Variants in CSMD3 observed in about 807,000 individuals in gnomAD.
CSMD3 encodes the protein CUB and Sushi multiple domains 3.
In CSMD3, 177 loss-of-function variants were observed where a neutral mutation model predicts 435.2. The ratio of observed to expected loss-of-function variants is 0.41; its 90% CI spans 0.36 to 0.46. The LOEUF is 0.46. CSMD3 is among the 20% of genes least tolerant of loss of function. The probability of loss-of-function intolerance (pLI) is 0.34; values close to 1 mark genes in which losing one functional copy is unlikely to be tolerated. For missense variants in CSMD3, 4,265 were observed against 4,504.6 expected, an observed-to-expected ratio of 0.95 and a Z score of 1.52; for synonymous variants, 1,656 against 1,520.5, an observed-to-expected ratio of 1.09 and a Z score of -2.07.
intron 11 of CSMD3, among the ~76,000 whole-genome samples, chr8:112,851,580 A>G (rs2080489048): frequency 6.6e-6 from 1 of 152,146 alleles, no homozygotes; most frequent in Non-Finnish European, 1.5e-5. Flanking sequence ...CCTGGCCAAC[A>G]TGGTGAATCC....
intron 5 of CSMD3, among the ~76,000 whole-genome samples, chr8:113,061,110 T>A (rs2088593487): frequency 6.6e-6 from 1 of 152,098 alleles, no homozygotes; most frequent in African/African-American, 2.4e-5. Context: ...ACCCACCTCT[T>A]GTCTTTTCTG....
chr8:113,389,547 A>T (rs1234903621), intron 1 of CSMD3, among the ~76,000 whole-genome samples: 1 of 151,750 alleles, frequency 6.6e-6, no homozygotes, highest in Non-Finnish European at 1.5e-5. Flanking sequence ...TCATTAAAAC[A>T]ATCTCTGGGG....
chr8:112,656,810 C>A (rs999128906), intron 17 of CSMD3, among the ~76,000 whole-genome samples: 4 of 151,896 alleles, frequency 2.6e-5, no homozygotes, highest in African/African-American at 9.7e-5. Flanking sequence ...AACATTTATA[C>A]AAAATTTTTG....
At chr8:112,707,666 G>A (rs985731905) in intron 13 of CSMD3, among the ~76,000 whole-genome samples, 1 of 151,934 alleles carries the variant, frequency 6.6e-6, no homozygotes, top group African/African-American at 2.4e-5. Context: ...CTTCTCTATT[G>A]TGTTTGTCTA....
intron 5 of CSMD3, among the ~76,000 whole-genome samples, chr8:113,069,698 C>T (rs1256196956): frequency 1.3e-5 from 2 of 152,206 alleles, no homozygotes; most frequent in East Asian, 3.9e-4. Context: ...TTCCAGGGCA[C>T]ATTGAAAACT....
At chr8:112,977,035 T>C (rs1365312403) in intron 6 of CSMD3, among the ~76,000 whole-genome samples, 1 of 152,084 alleles carries the variant, frequency 6.6e-6, no homozygotes, top group Admixed American at 6.6e-5. Context: ...TTTAGAAGTA[T>C]GTATTCAAAG....
intron 35 of CSMD3, among the ~76,000 whole-genome samples, chr8:112,395,585 A>C (rs1427816131): frequency 6.6e-6 from 1 of 152,178 alleles, no homozygotes; most frequent in Admixed American, 6.5e-5. Flanking sequence ...CCAGATAAGC[A>C]TGATCAGATA....
chr8:112,777,837 G>T (rs1277993608), intron 13 of CSMD3, among the ~76,000 whole-genome samples: 1 of 151,774 alleles, frequency 6.6e-6, no homozygotes, highest in African/African-American at 2.4e-5. Context: ...GCACTGGCCA[G>T]AATATGTTGC....
intron 4 of CSMD3, among the ~76,000 whole-genome samples, chr8:113,122,084 T>C (rs2091001274): frequency 6.6e-6 from 1 of 152,148 alleles, no homozygotes; most frequent in Admixed American, 6.6e-5. Flanking sequence ...TTATACCAAT[T>C]GTGTGGTTTC....
Position 112,263,781 on chromosome 8 carries a change from A to G in CSMD3, c.9720T>C (p.Ser3240=). The change falls in exon 61 of 71, where the codon TCT becomes TCC. Residue 3240 remains serine (S), a synonymous_variant. Transcript: ENST00000297405. ...AATTTGTTCCTTCCAGCCTTCCATT[A>G]GAGATCTGGGGAGGAGTTGGGCAGG... is the stretch of plus-strand genomic sequence containing the variant. ...AVTCPTPPQI[S]NGRLEGTNFD... The G allele has an allele frequency of 6.2e-7, 1 of 1,613,760 alleles. No individual in the cohort carries two copies. The highest frequency in any genetic ancestry group is 8.5e-7 in the Non-Finnish European group (1 of 1,179,700).
At chr8:113,102,552 C>G (rs1307663247) in intron 4 of CSMD3, among the ~76,000 whole-genome samples, 1 of 152,056 alleles carries the variant, frequency 6.6e-6, no homozygotes, top group Non-Finnish European at 1.5e-5. Context: ...GAAGAAGGAA[C>G]ATTTAGTACT....
At chr8:112,754,395 A>G (rs1169058709) in intron 13 of CSMD3, among the ~76,000 whole-genome samples, 2 of 152,206 alleles carry the variant, frequency 1.3e-5, no homozygotes, top group Admixed American at 1.3e-4. Context: ...AAATATGTTA[A>G]GAAGAGAACC....
At chr8:112,491,058 G>GT (rs1820636636) in intron 31 of CSMD3, among the ~76,000 whole-genome samples, 1 of 152,054 alleles carries the variant, frequency 6.6e-6, no homozygotes, top group African/African-American at 2.4e-5. Context: ...ATATTTTGAA[G>GT]TAAAAAATGT....
intron 38 of CSMD3, among the ~76,000 whole-genome samples, chr8:112,369,152 T>C (rs1327528530): frequency 1.3e-5 from 2 of 152,134 alleles, no homozygotes. Flanking sequence ...GACAAGTCAA[T>C]GTGAGCCTCA....
chr8:113,152,204 G>A (rs2091823180), intron 4 of CSMD3, among the ~76,000 whole-genome samples: 1 of 151,806 alleles, frequency 6.6e-6, no homozygotes, highest in African/African-American at 2.4e-5. Flanking sequence ...AAACCAAGAT[G>A]GAGCAAGTAG....
At chr8:112,858,122 T>C (rs980059431) in intron 11 of CSMD3, among the ~76,000 whole-genome samples, 6 of 151,682 alleles carry the variant, frequency 4.0e-5, no homozygotes, top group Non-Finnish European at 3.0e-5. Context: ...GAATTAGGTT[T>C]CAAGAACTTG....
intron 30 of CSMD3, among the ~76,000 whole-genome samples, chr8:112,497,225 G>A (rs1289577565): frequency 6.6e-6 from 1 of 152,134 alleles, no homozygotes; most frequent in East Asian, 1.9e-4. Context: ...AGAGTAAGGG[G>A]TGGGAAGTGG....
intron 5 of CSMD3, among the ~76,000 whole-genome samples, chr8:113,041,548 C>T (rs2087616378): frequency 6.6e-6 from 1 of 152,042 alleles, no homozygotes; most frequent in Non-Finnish European, 1.5e-5. Flanking sequence ...GGTTTTTGCT[C>T]ACCATCAGTT....
At chr8:112,395,311 A>G (rs1830769523) in intron 35 of CSMD3, among the ~76,000 whole-genome samples, 1 of 152,176 alleles carries the variant, frequency 6.6e-6, no homozygotes, top group South Asian at 2.1e-4. Context: ...TCCAAAGTTG[A>G]TATCAATATT....
Sources: gnomAD v4.1 joint callset for allele counts (sites outside exome capture counted in the v4.1 genomes callset) on GRCh38, gnomAD v4.1.1 for gene constraint, MANE v1.5 for transcripts, NCBI Gene and HGNC (gene_info 2026-07-23, HGNC 2026-07-21) for gene names.